Variants in TLR6 observed in about 807,000 individuals in gnomAD.
The protein encoded by TLR6 is toll like receptor 6, also known as toll-like receptor 6.
A neutral mutation model predicts 16.1 loss-of-function variants in TLR6; 9 were observed. The observed-to-expected ratio is 0.56, with a 90% CI of 0.34 to 0.98. The LOEUF is 0.98. Ranked by LOEUF, TLR6 falls within the 50% of genes least tolerant of loss-of-function variation. The pLI, the probability that TLR6 is intolerant of heterozygous loss-of-function variation, is 0.02. For synonymous variants in TLR6, 340 were observed against 338.6 expected (o/e 1.00, Z -0.04); for missense variants, 786 against 921.0 (o/e 0.85, Z 1.90).
exon 2 of TLR6, chr4:38,825,371 C>T (rs1727496721): frequency 6.6e-6 from 1 of 152,242 alleles, no homozygotes; most frequent in Non-Finnish European, 1.5e-5. Context: ...GGCATATAGT[C>T]AGTTTCTTTA....
At chr4:38,862,619 G>C in the TLR6 span, among the ~76,000 whole-genome samples, 1 of 90,410 alleles carries the variant, frequency 1.1e-5, no homozygotes, top group Non-Finnish European at 2.0e-5. Context: ...TTTTTGAGAT[G>C]GAGTTTTGCT....
chr4:38,844,262 T>C (rs980739276), intron 1 of TLR6, among the ~76,000 whole-genome samples: 1 of 152,236 alleles, frequency 6.6e-6, no homozygotes, highest in Admixed American at 6.5e-5. Flanking sequence ...AATTGCAGTT[T>C]TTATACACAA....
At chr4:38,852,273 A>C (rs1167729046) in intron 1 of TLR6, among the ~76,000 whole-genome samples, 2 of 152,244 alleles carry the variant, frequency 1.3e-5, no homozygotes, top group Admixed American at 1.3e-4. Context: ...AAACCATAAA[A>C]ACTCTAGAAG....
intron 1 of TLR6, among the ~76,000 whole-genome samples, chr4:38,848,111 C>A (rs1712611911): frequency 6.9e-6 from 1 of 144,872 alleles, no homozygotes; most frequent in African/African-American, 2.4e-5. Context: ...CAGGCAGCAA[C>A]ATTTGCTGTT....
At chr4:38,860,742 G>A (rs993448758), upstream of TLR6, among the ~76,000 whole-genome samples, 4 of 152,086 alleles carry the variant, frequency 2.6e-5, no homozygotes, top group Non-Finnish European at 5.9e-5. Context: ...CACATGGAAA[G>A]GTATGCATCC....
intron 1 of TLR6, among the ~76,000 whole-genome samples, chr4:38,848,774 C>T (rs2109465458): frequency 6.6e-6 from 1 of 152,262 alleles, no homozygotes; most frequent in Admixed American, 6.5e-5. Context: ...AAATATGGGA[C>T]TATGTGAAAA....
At chr4:38,827,941 C>T (rs376796946) in exon 2 of TLR6, 207 of 1,612,872 alleles carry the variant, frequency 1.3e-4, no homozygotes, top group Middle Eastern at 3.3e-4. Flanking sequence ...AGAAATCAGC[C>T]GATGGGTGGG....
At chr4:38,858,798 A>AGAGAGAGG (rs1713105737), upstream of TLR6, among the ~76,000 whole-genome samples, 3 of 108,930 alleles carry the variant, frequency 2.8e-5, no homozygotes, top group African/African-American at 7.8e-5. Context: ...AGAGGGAGAG[A>AGAGAGAGG]GAGAGAGAGA....
chr4:38,846,321 G>T (rs1280064192), intron 1 of TLR6, among the ~76,000 whole-genome samples: 3 of 152,094 alleles, frequency 2.0e-5, no homozygotes, highest in Non-Finnish European at 4.4e-5. Flanking sequence ...TAAAAGAGCA[G>T]AATAGGCATT....
chr4:38,846,782 G>A (rs1712547904), intron 1 of TLR6, among the ~76,000 whole-genome samples: 2 of 152,086 alleles, frequency 1.3e-5, no homozygotes, highest in Non-Finnish European at 1.5e-5. Flanking sequence ...GGGAGGGAGA[G>A]AGTGCACTAA....
intron 1 of TLR6, among the ~76,000 whole-genome samples, chr4:38,835,006 A>G (rs1258488619): frequency 6.6e-6 from 1 of 152,234 alleles, no homozygotes; most frequent in Non-Finnish European, 1.5e-5. Context: ...TGAAGTTACT[A>G]CTACAGAAAA....
chr4:38,843,443 T>C (rs1405189766), intron 1 of TLR6, among the ~76,000 whole-genome samples: 1 of 152,244 alleles, frequency 6.6e-6, no homozygotes, highest in Non-Finnish European at 1.5e-5. Flanking sequence ...TCAGGGGATA[T>C]ACTGGAAATA....
upstream of TLR6, among the ~76,000 whole-genome samples, chr4:38,859,755 A>G (rs1183668986): frequency 6.6e-6 from 1 of 151,490 alleles, no homozygotes; most frequent in Non-Finnish European, 1.5e-5. Context: ...TTGCAGAGAC[A>G]GGGTTTTGCC....
intron 1 of TLR6, among the ~76,000 whole-genome samples, chr4:38,846,982 C>G (rs1253136041): frequency 6.6e-6 from 1 of 152,106 alleles, no homozygotes; most frequent in Non-Finnish European, 1.5e-5. Flanking sequence ...AAACCCCAAT[C>G]AATCTAGCTG....
exon 2 of TLR6, chr4:38,827,854 A>G (rs751189429): frequency 1.9e-6 from 3 of 1,614,254 alleles, no homozygotes; most frequent in Non-Finnish European, 2.5e-6. Context: ...TATTTTTGAC[A>G]AATTCTCTTA....
At chr4:38,839,152 A>C (rs1007821103) in intron 1 of TLR6, among the ~76,000 whole-genome samples, 1 of 59,624 alleles carries the variant, frequency 1.7e-5, no homozygotes, top group East Asian at 5.0e-4. Flanking sequence ...AGGGGAGGGA[A>C]GGGGGGGAAG....
exon 2 of TLR6, chr4:38,828,589 T>C: frequency 1.2e-6 from 2 of 1,613,922 alleles, no homozygotes; most frequent in Non-Finnish European, 1.7e-6. Context: ...AAGTAAAATC[T>C]TCTTCACGAA....
At position 38,840,103 on chromosome 4, in the gene TLR6, TAA is replaced by T. The variant is rs199848770; in HGVS notation, c.-64-10568_-64-10567del. On this transcript the variant is annotated intron_variant, in intron 1 of 1. Coordinates refer to ENST00000436693, the Ensembl canonical transcript of TLR6. ...AAAGGGAATTTCAAGGTGTTACCAA[TAA>T]AGTTTGTTTTCTTCCATTCAGCCCA... 1.2e-3 allele frequency among the ~76,000 whole-genome samples: 185 copies of T among 152,336 alleles called. 5 individuals carry two copies. The East Asian group carries it at 0.027, about 22-fold the overall frequency.
At chr4:38,856,259 T>C (rs1712983572) in intron 1 of TLR6, among the ~76,000 whole-genome samples, 1 of 152,200 alleles carries the variant, frequency 6.6e-6, no homozygotes, top group Non-Finnish European at 1.5e-5. Context: ...TAAATATGAA[T>C]AGGACTGACA....
Sources: gnomAD v4.1 joint callset for allele counts (sites outside exome capture counted in the v4.1 genomes callset) on GRCh38, gnomAD v4.1.1 for gene constraint, MANE v1.5 for transcripts, NCBI Gene and HGNC (gene_info 2026-07-23, HGNC 2026-07-21) for gene names.